The following C2CD3 variants were observed in gnomAD, a reference collection of about 807,000 sequenced individuals.
C2CD3 encodes the protein C2 domain-containing protein 3.
In C2CD3, 148 loss-of-function variants were observed where a neutral mutation model predicts 234.0. The ratio of observed to expected loss-of-function variants is 0.63; its 90% CI spans 0.55 to 0.72. The LOEUF is 0.72. Among genes scored for constraint, C2CD3 ranks in the 30% least tolerant of loss-of-function variants. C2CD3 has a pLI of 0.00. For missense variants in C2CD3, 2,577 were observed against 2,811.5 expected (o/e 0.92, Z 1.89); for synonymous variants, 1,000 against 1,035.4 (o/e 0.97, Z 0.66).
chr11:74,168,708 G>T (rs1268517084), intron 1 of C2CD3, 95 bp from the exon 2 acceptor site: 1 of 1,172,564 alleles, frequency 8.5e-7, no homozygotes, highest in Non-Finnish European at 1.2e-6. Context: ...GAACACTTTA[G>T]TCTTAAGTTC....
intron 22 of C2CD3, among the ~76,000 whole-genome samples, chr11:74,081,890 G>A (rs566828264): frequency 1.6e-4 from 24 of 152,282 alleles, no homozygotes; most frequent in Admixed American, 5.9e-4. Context: ...GGGCTGAGAC[G>A]ATGGGGTTTT....
intron 29 of C2CD3, among the ~76,000 whole-genome samples, chr11:74,040,206 G>T (rs1356756500): frequency 6.6e-6 from 1 of 152,190 alleles, no homozygotes; most frequent in African/African-American, 2.4e-5. Flanking sequence ...GATCTAGGTT[G>T]TGCGCTCCTT....
chr11:74,059,410 C>CAA (rs57052333), intron 24 of C2CD3, among the ~76,000 whole-genome samples: 512 of 29,594 alleles, frequency 0.017, 58 homozygotes, highest in African/African-American at 0.057. Context: ...GACTCTGTCT[C>CAA]AAAAAAAAAA....
At chr11:74,147,749 G>A (rs758937827) in intron 3 of C2CD3, among the ~76,000 whole-genome samples, 1 of 152,140 alleles carries the variant, frequency 6.6e-6, no homozygotes, top group Non-Finnish European at 1.5e-5. Flanking sequence ...TGTATCTCTG[G>A]AAAGTTTTAT....
At chr11:74,141,264 T>C (rs753869474) in intron 3 of C2CD3, among the ~76,000 whole-genome samples, 5 of 152,210 alleles carry the variant, frequency 3.3e-5, no homozygotes, top group Admixed American at 6.5e-5. Flanking sequence ...TGAACCATAA[T>C]ATAAAGTCCT....
chr11:74,020,827 G>A (rs762422120), intron 32 of C2CD3, among the ~76,000 whole-genome samples: 1 of 152,272 alleles, frequency 6.6e-6, no homozygotes, highest in East Asian at 1.9e-4. Flanking sequence ...ATTCAATGAC[G>A]GGAAGTTATT....
intron 26 of C2CD3, among the ~76,000 whole-genome samples, chr11:74,050,764 G>C (rs1195912474): frequency 6.8e-6 from 1 of 147,040 alleles, no homozygotes; most frequent in African/African-American, 2.7e-5. Context: ...GGTGAGAAAA[G>C]GTATTACACT....
chr11:74,090,598 G>A (rs995378133), intron 20 of C2CD3, among the ~76,000 whole-genome samples: 1 of 152,206 alleles, frequency 6.6e-6, no homozygotes, highest in African/African-American at 2.4e-5. Flanking sequence ...GGATAAAATT[G>A]TTGGGCAAGG....
intron 2 of C2CD3, chr11:74,164,008 C>T (rs1241810133): frequency 1.1e-5 from 2 of 177,590 alleles, no homozygotes; most frequent in Admixed American, 6.5e-5. Flanking sequence ...CATGTATATT[C>T]CTAGGTTCAC....
Position 74,033,673 on chromosome 11 carries a change from C to A in C2CD3, c.6487G>T (p.Val2163Phe), listed in dbSNP as rs550167325. The A allele has an allele frequency of 1.1e-3, 1,654 of 1,536,232 alleles. 7 individuals are homozygous for A. Among genetic ancestry groups the A allele is most frequent in the South Asian group, 3.3e-3 (277 of 84,058 alleles). Reference protein sequence around the residue: ...ACECEASKARVGGESASANPQ... With the variant: ...ACECEASKARFGGESASANPQ... ...TTGGCTGAGGCAGACTCGCCACCAA[C>A]CCTGGCCTTAGAGGCCTCACACTCA... Residue 2163 changes from valine to phenylalanine, a missense_variant, in exon 31 of 33, where the codon GTT becomes TTT. By Grantham distance (50) the Val-to-Phe change is conservative. Coordinates refer to ENST00000334126, the MANE Select transcript of C2CD3 (RefSeq NM_001286577.2).
chr11:74,117,071 TA>T (rs1957008305), intron 9 of C2CD3, among the ~76,000 whole-genome samples: 2 of 62,576 alleles, frequency 3.2e-5, no homozygotes, highest in Admixed American at 3.9e-4. Context: ...AATATATATA[TA>T]TGAATATATA....
intron 32 of C2CD3, chr11:74,016,762 T>C (rs951152024): frequency 4.6e-5 from 7 of 152,246 alleles, no homozygotes; most frequent in African/African-American, 1.7e-4. Flanking sequence ...AAATGTATCA[T>C]CCATTCCTCT....
chr11:74,093,874 C>T lies in C2CD3; in HGVS notation c.3286G>A (p.Ala1096Thr), dbSNP rs964438433. The T allele has an allele frequency of 1.2e-6, 2 of 1,613,972 alleles. No homozygotes were observed. The highest frequency in any genetic ancestry group is 1.7e-5 in the Admixed American group (1 of 59,990). ...GGCACGAGGCCCTGTGCAGAGAAAG[C>T]ACTTAGTAGGAGCCTTTGCACTGGA... Reference protein sequence around the residue: ...EVPVQRLLLSAFSAQGLVPGG... With the variant: ...EVPVQRLLLSTFSAQGLVPGG... The change falls in exon 18 of 33, where the codon GCT becomes ACT. Residue 1096 changes from alanine (A) to threonine (T), a missense_variant. Physicochemically the swap from Ala to Thr is moderately conservative, Grantham distance 58. Transcript: ENST00000334126.
intron 32 of C2CD3, among the ~76,000 whole-genome samples, chr11:74,014,909 C>G (rs1211187038): frequency 6.6e-6 from 1 of 152,232 alleles, no homozygotes; most frequent in Non-Finnish European, 1.5e-5. Context: ...AGCCCACAGG[C>G]AGCCTTTCCT....
Position 74,095,319 on chromosome 11 carries a change from G to C in C2CD3, c.3069C>G (p.Val1023=), listed in dbSNP as rs1722758826. The C allele has an allele frequency of 6.2e-7, 1 of 1,613,792 alleles. No individual in the cohort carries two copies. Among genetic ancestry groups the C allele is most frequent in the Non-Finnish European group, 8.5e-7 (1 of 1,179,740 alleles). Residue 1023 remains valine, a synonymous_variant, in exon 17 of 33, where the codon GTC becomes GTG. Transcript: ENST00000334126. ...VKGLAPLQAT[V]WGEADCYVQY... The stretch of plus-strand genomic sequence containing the variant: ...GGACATAACAATCTGCTTCTCCCCA[G>C]ACTGTTGCCTGAAGAGGGGCTAGCC...
intron 5 of C2CD3, among the ~76,000 whole-genome samples, chr11:74,135,852 C>T (rs909423582): frequency 7.2e-5 from 11 of 151,998 alleles, no homozygotes; most frequent in South Asian, 4.1e-4. Context: ...TTATCCTAGG[C>T]GAACTAAGTC....
chr11:74,037,355 A>G, intron 30 of C2CD3, 123 bp downstream of exon 30: 1 of 759,862 alleles, frequency 1.3e-6, no homozygotes, highest in Non-Finnish European at 2.2e-6. Flanking sequence ...AAAAAAAGGA[A>G]GAGGGTGAAA....
At position 74,098,117 on chromosome 11, in the gene C2CD3, A is replaced by G; in HGVS notation, c.2871T>C (p.Asn957=). The G allele has an allele frequency of 6.2e-7, 1 of 1,614,058 alleles. No homozygotes were observed. The highest frequency in any genetic ancestry group is 8.5e-7 in the Non-Finnish European group (1 of 1,179,986). ...TTAATCTTTGTAGTGCCATTATTTG[A>G]TTTGAAGAACCCATAGCTAAAAAGA... ...LRVFLAMGSS[N]QIMALQRLKN... is the part of the protein sequence containing the mutation. Residue 957 remains asparagine, a synonymous_variant, in exon 16 of 33, where the codon AAT becomes AAC. Coordinates refer to ENST00000334126, the MANE Select transcript of C2CD3 (RefSeq NM_001286577.2).
chr11:74,127,286 C>T (rs1286292309), intron 7 of C2CD3, among the ~76,000 whole-genome samples: 3 of 152,192 alleles, frequency 2.0e-5, no homozygotes, highest in African/African-American at 7.2e-5. Context: ...GTGTGAGCTA[C>T]CACACTGCGC....
Sources: gnomAD v4.1 joint callset for allele counts (sites outside exome capture counted in the v4.1 genomes callset) on GRCh38, gnomAD v4.1.1 for gene constraint, MANE v1.5 for transcripts, NCBI Gene and HGNC (gene_info 2026-07-23, HGNC 2026-07-21) for gene names.